Variants in USP36 observed in about 807,000 individuals in gnomAD.
USP36 encodes the protein ubiquitin carboxyl-terminal hydrolase 36.
USP36 carries 59 observed loss-of-function variants against 111.5 expected under a neutral mutation model. The observed-to-expected ratio is 0.53, with a 90% CI of 0.43 to 0.66. The LOEUF (loss-of-function observed/expected upper bound fraction) is 0.66, where lower values mean the gene tolerates loss of function less well. Among genes scored for constraint, USP36 ranks in the 30% least tolerant of loss-of-function variants. The pLI is 0.00. For synonymous variants in USP36, 628 were observed against 581.0 expected (o/e 1.08, Z -1.16); for missense variants, 1,488 against 1,468.0 (o/e 1.01, Z -0.22).
chr17:78,801,507 G>A (rs1167055134), intron 17 of USP36, among the ~76,000 whole-genome samples: 2 of 152,192 alleles, frequency 1.3e-5, no homozygotes, highest in Non-Finnish European at 2.9e-5. Context: ...CCTATACCAA[G>A]CAGCCAGGAC....
rs758215486 is a variant in USP36 at position 78,803,510 on chromosome 17, C to T, written c.2685G>A (p.Gln895=). 6.2e-7 allele frequency: 1 copy of T among 1,614,000 alleles called. No individual in the cohort carries two copies. Among genetic ancestry groups the T allele is most frequent in the Non-Finnish European group, 8.5e-7 (1 of 1,180,036 alleles). ...CACATCCCACCTGCTGGCCATTCACCTGTGGCTGTGTGCCATCTTCCTGCC... is the reference window on the plus strand; with the variant it reads ...CACATCCCACCTGCTGGCCATTCACTTGTGGCTGTGTGCCATCTTCCTGCC... ...VRRQEDGTQP[Q]VNGQQVGCVT... The change falls in exon 16 of 21, where the codon CAG becomes CAA. Residue 895 remains glutamine (Q), a synonymous_variant. Transcript: ENST00000449938. The surrounding 1 kb of genome is among the most constrained non-coding windows in gnomAD (Gnocchi z 4.6).
chr17:78,819,930 T>A lies in USP36; in HGVS notation c.911A>T (p.Lys304Ile), dbSNP rs1383449916. The change falls in exon 9 of 21, where the codon AAA (lysine) becomes ATA (isoleucine). Residue 304 changes from lysine (K) to isoleucine (I), a missense_variant and splice_region_variant. Physicochemically the swap from Lys to Ile is moderately radical, Grantham distance 102 (BLOSUM62 -3). Transcript: ENST00000449938. ...LSGENAYMCA[K>I]CKKKVPASKR... is the part of the protein sequence containing the mutation. Reference sequence around the variant, plus strand: ...CTGCCACAAGCAACGTGAAACTTACTTAGCACACATGTAGGCATTCTCTCC... The same window carrying A: ...CTGCCACAAGCAACGTGAAACTTACATAGCACACATGTAGGCATTCTCTCC... 1 of 1,613,830 alleles carries A rather than the reference T, an allele frequency of 6.2e-7. No homozygotes were observed. The highest frequency in any genetic ancestry group is 2.2e-5 in the East Asian group (1 of 44,894).
At chr17:78,799,877 CTTTTTTTTTTTTTTTTTTT>C in intron 17 of USP36, 109 bp from the exon 18 acceptor site, 1 of 154,444 alleles carries the variant, frequency 6.5e-6, no homozygotes, top group South Asian at 6.6e-5. Context: ...GGATGCTTGC[CTTTTTTTTTTTTTTTTTTT>C]TTTTTTTTTA....
chr17:78,823,207 T>G, intron 6 of USP36: 3 of 398,572 alleles, frequency 7.5e-6, no homozygotes, highest in Non-Finnish European at 1.3e-5. Context: ...AAATGAAAAA[T>G]CAACTGCCAC....
chr17:78,824,012 T>G (rs2067306673), intron 6 of USP36, among the ~76,000 whole-genome samples: 1 of 152,078 alleles, frequency 6.6e-6, no homozygotes. Flanking sequence ...AAAACAGACA[T>G]GATGCCAAGG....
chr17:78,839,817 C>A (rs959889595), intron 1 of USP36, among the ~76,000 whole-genome samples: 1 of 152,230 alleles, frequency 6.6e-6, no homozygotes, highest in Admixed American at 6.5e-5. Flanking sequence ...CCGACGCACA[C>A]ACCATCCACA....
chr17:78,837,585 A>C (rs2145678701), intron 2 of USP36, among the ~76,000 whole-genome samples: 1 of 152,312 alleles, frequency 6.6e-6, no homozygotes, highest in South Asian at 2.1e-4. Context: ...AACCAAGAAG[A>C]GACCCCTGCA....
chr17:78,826,745 A>G, intron 6 of USP36: 1 of 245,500 alleles, frequency 4.1e-6, no homozygotes. Context: ...TGAATAAGAA[A>G]CAGCAGCCAG....
upstream of USP36, chr17:78,841,417 C>G (rs1157968422): frequency 6.6e-6 from 1 of 152,266 alleles, no homozygotes; most frequent in Non-Finnish European, 1.5e-5. Context: ...CTGGGGCTGC[C>G]GAGGAAATGG....
chr17:78,806,349 G>A, intron 14 of USP36, 63 bp from the exon 15 acceptor site: 5 of 1,575,638 alleles, frequency 3.2e-6, no homozygotes, highest in Non-Finnish European at 3.4e-6. Context: ...AGTGAAGAGG[G>A]AAAACAAAAG....
intron 13 of USP36, among the ~76,000 whole-genome samples, chr17:78,809,287 G>C (rs1278491886): frequency 6.6e-6 from 1 of 152,100 alleles, no homozygotes; most frequent in East Asian, 1.9e-4. Context: ...TCCCTTCCCA[G>C]AGGTTAAGAA....
At chr17:78,813,470 C>G (rs1051023395) in intron 12 of USP36, among the ~76,000 whole-genome samples, 3 of 152,174 alleles carry the variant, frequency 2.0e-5, no homozygotes, top group Non-Finnish European at 2.9e-5. Context: ...CGGGAAGGGG[C>G]ATTGGCTGGC....
At chr17:78,795,006 C>CG (rs1242326842), downstream of USP36, among the ~76,000 whole-genome samples, 199 of 124,346 alleles carry the variant, frequency 1.6e-3, no homozygotes, top group African/African-American at 5.0e-3. This position sits in a 1 kb window ranked among gnomAD's most constrained non-coding sequence, Gnocchi z 4.5. Context: ...AGACTCTGTT[C>CG]GGGAAAAAAA....
At chr17:78,816,095 G>A (rs1170124754) in intron 10 of USP36, among the ~76,000 whole-genome samples, 1 of 152,114 alleles carries the variant, frequency 6.6e-6, no homozygotes, top group Non-Finnish European at 1.5e-5. Flanking sequence ...CACATGACAG[G>A]ATTGCCATTA....
chr17:78,813,446 G>A lies in USP36; in HGVS notation c.1265+327C>T, dbSNP rs141488170. ...TCCTTCCCAGCATATCCCTACAGGG[G>A]CAGCTTCCCCACACGGGAAGGGGCA... On this transcript the variant is annotated intron_variant, in intron 12 of 20. Coordinates refer to ENST00000449938, the MANE Select transcript of USP36 (RefSeq NM_001385174.1). Among the ~76,000 whole-genome samples the A allele has an allele frequency of 6.6e-4, 101 of 152,296 alleles. 1 individual carries two copies. The highest frequency in any genetic ancestry group is 1.6e-3 in the Admixed American group (24 of 15,300).
rs374498969 is a variant in USP36 at position 78,826,957 on chromosome 17, CCT to C, written c.689+286_689+287del. The C allele has an allele frequency of 8.7e-3, 5,334 of 611,768 alleles. 36 individuals are homozygous for C. The highest frequency in any genetic ancestry group is 0.013 in the South Asian group (675 of 53,530). The allele number at this position is 611,768 out of a possible 1,614,324, so 37.9% of individuals were successfully genotyped here. On this transcript the variant is annotated intron_variant, in intron 6 of 20. Transcript: ENST00000449938. ...AAGAAGGTCTGCTAACATATTTCCC[CCT>C]GACTGAGCTGCTCAGACACAGCTGC...
intron 1 of USP36, among the ~76,000 whole-genome samples, chr17:78,839,679 G>A (rs919311303): frequency 9.9e-5 from 15 of 152,174 alleles, no homozygotes; most frequent in Non-Finnish European, 2.2e-4. Context: ...AATTTTTCAA[G>A]TGGGACAGGT....
intron 4 of USP36, among the ~76,000 whole-genome samples, chr17:78,830,796 C>T (rs948107908): frequency 6.6e-6 from 1 of 151,918 alleles, no homozygotes; most frequent in Non-Finnish European, 1.5e-5. Context: ...CATGAGATTG[C>T]CTTTACATAA....
Position 78,813,732 on chromosome 17 carries a change from A to G in USP36, c.1265+41T>C, listed in dbSNP as rs112469762. On this transcript the variant is annotated intron_variant, in intron 12 of 20. Coordinates refer to ENST00000449938, the MANE Select transcript of USP36 (RefSeq NM_001385174.1). ...AGGCCCACCGGTATAAGAAAAGAGC[A>G]GAGGGAGTGAGCTCATCTGGGGAGG... 7.0e-4 allele frequency: 1,103 copies of G among 1,572,778 alleles called. 5 individuals carry two copies. The African/African-American group carries it at 0.013, about 19-fold the overall frequency.
Sources: gnomAD v4.1 joint callset for allele counts (sites outside exome capture counted in the v4.1 genomes callset) on GRCh38, gnomAD v4.1.1 for gene constraint, Gnocchi (gnomAD v3.1) non-coding constraint, MANE v1.5 for transcripts, NCBI Gene and HGNC (gene_info 2026-07-23, HGNC 2026-07-21) for gene names.